The following CYB561 variants were observed in gnomAD, a reference collection of about 807,000 sequenced individuals.
CYB561 encodes transmembrane ascorbate-dependent reductase CYB561.
In CYB561, 11 loss-of-function variants were observed where a neutral mutation model predicts 25.3. The observed-to-expected ratio is 0.44, with a 90% CI of 0.27 to 0.72. The LOEUF is 0.72. Among genes scored for constraint, CYB561 ranks in the 30% least tolerant of loss-of-function variants. CYB561 has a pLI of 0.18. For synonymous variants in CYB561, 165 were observed against 158.8 expected (o/e 1.04, Z -0.29); for missense variants, 295 against 334.9 (o/e 0.88, Z 0.93).
At position 63,433,491 on chromosome 17, in the gene CYB561, G is replaced by T. The variant is rs374086154; in HGVS notation, c.*911C>A. 2.3e-5 allele frequency: 9 copies of T among 398,544 alleles called. No individual in the cohort carries two copies. Among genetic ancestry groups the T allele is most frequent in the South Asian group, 1.3e-4 (1 of 7,848 alleles). 24.7% of individuals were successfully genotyped at this position (398,544 alleles called of 1,614,324 possible). A position where few individuals can be genotyped will look rare whatever the true frequency, so the allele number is the denominator to read the frequency against. ...GCAGCAGCTCCAGCAGCCCCAGGGG[G>T]CTCTAGCCACAGCCAGCAGCAGCGG... is the stretch of plus-strand genomic sequence containing the variant. On this transcript the variant is annotated 3_prime_UTR_variant, in exon 6 of 6. Transcript: ENST00000360793.
At position 63,432,454 on chromosome 17, in the gene CYB561, A is replaced by T. The variant is rs1273430771; in HGVS notation, c.*1948T>A. 1 of 152,232 alleles carries T rather than the reference A, an allele frequency of 6.6e-6. No homozygotes were observed. The highest frequency in any genetic ancestry group is 1.5e-5 in the Non-Finnish European group (1 of 68,040). The allele number at this position is 152,232 out of a possible 1,614,324, so 9.4% of individuals were successfully genotyped here. A position where few individuals can be genotyped will look rare whatever the true frequency, so the allele number is the denominator to read the frequency against. ...TTAGTCATCCAGTGTTCACTTTGGC[A>T]AACAGACCAGTTTACAGACTTTTGT... On this transcript the variant is annotated 3_prime_UTR_variant, in exon 6 of 6. Coordinates refer to ENST00000360793, the MANE Select transcript of CYB561 (RefSeq NM_001915.4).
At chr17:63,441,139 T>C (rs1380734769) in intron 1 of CYB561, among the ~76,000 whole-genome samples, 1 of 152,192 alleles carries the variant, frequency 6.6e-6, no homozygotes, top group African/African-American at 2.4e-5. Context: ...GACGACTGCC[T>C]GCGGCTTCAA....
At chr17:63,435,505 G>T in intron 4 of CYB561, 183 bp downstream of exon 4, 1 of 696,328 alleles carries the variant, frequency 1.4e-6, no homozygotes, top group South Asian at 1.8e-5. Flanking sequence ...GGGCGCCTGG[G>T]AGCTGGGCAC....
intron 1 of CYB561, 68 bp from the exon 2 acceptor site, chr17:63,437,628 T>G (rs2049320214): frequency 7.9e-7 from 1 of 1,265,134 alleles, no homozygotes; most frequent in Non-Finnish European, 1.1e-6. Context: ...CCCCCGCGGA[T>G]GCACACAGCC....
intron 1 of CYB561, among the ~76,000 whole-genome samples, chr17:63,444,790 C>T (rs1466170891): frequency 6.6e-6 from 1 of 152,238 alleles, no homozygotes; most frequent in African/African-American, 2.4e-5. Flanking sequence ...TCTCATTCCC[C>T]TCCACCAATG....
In CYB561 at chr17:63,433,297, A is replaced by G. The variant is rs1568020646; in HGVS notation, c.*1105T>C. The G allele has an allele frequency of 2.5e-6, 1 of 397,890 alleles. No individual in the cohort carries two copies. Among genetic ancestry groups the G allele is most frequent in the East Asian group, 3.6e-5 (1 of 28,062 alleles). The allele number at this position is 397,890 out of a possible 1,614,324, so 24.6% of individuals were successfully genotyped here. A position where few individuals can be genotyped will look rare whatever the true frequency, so the allele number is the denominator to read the frequency against. ...CGCACACGATCAGTGTTCTAATCACACTATTTCCAGGCCGAAGCCAAATGG... is the reference window on the plus strand; with the variant it reads ...CGCACACGATCAGTGTTCTAATCACGCTATTTCCAGGCCGAAGCCAAATGG... On this transcript the variant is annotated 3_prime_UTR_variant, in exon 6 of 6. Transcript: ENST00000360793.
intron 1 of CYB561, 118 bp from the exon 2 acceptor site, chr17:63,437,678 C>T (rs1186965281): frequency 6.6e-4 from 499 of 750,968 alleles, no homozygotes; most frequent in Non-Finnish European, 8.9e-4. Flanking sequence ...GTACACACCC[C>T]TCAAGATGCG....
At chr17:63,439,783 G>A (rs1297010383) in intron 1 of CYB561, among the ~76,000 whole-genome samples, 5 of 152,098 alleles carry the variant, frequency 3.3e-5, no homozygotes, top group South Asian at 2.1e-4. Flanking sequence ...CAATGGATAC[G>A]CGCCCACATC....
At position 63,434,080 on chromosome 17, in the gene CYB561, T is replaced by TG. The variant is rs903831706; in HGVS notation, c.*321dup. 5 of 298,322 alleles carry TG rather than the reference T, an allele frequency of 1.7e-5. No homozygotes were observed. Among genetic ancestry groups the TG allele is most frequent in the Non-Finnish European group, 2.5e-5 (4 of 162,384 alleles). 18.5% of individuals were successfully genotyped at this position (298,322 alleles called of 1,614,324 possible). ...CCCCAGGCATCTGCTGCCAGGAGGG[T>TG]GGGGCCTCCTCTCTCGCTTCTTTAA... On this transcript the variant is annotated 3_prime_UTR_variant, in exon 6 of 6. Coordinates refer to ENST00000360793, the MANE Select transcript of CYB561 (RefSeq NM_001915.4).
rs182134508 is a variant in CYB561 at position 63,435,963 on chromosome 17, C to T, written c.301+91G>A. On this transcript the variant is annotated intron_variant, in intron 3 of 5. Coordinates refer to ENST00000360793, the MANE Select transcript of CYB561 (RefSeq NM_001915.4). ...TGGGGTGGGGGCGGGCCCATCACAG[C>T]TCTGGGGAGGGAACAGAGCAGGTGA... 3.7e-4 allele frequency: 589 copies of T among 1,606,274 alleles called. 3 individuals are homozygous for T. The African/African-American group carries it at 7.2e-3, about 20-fold the overall frequency.
intron 1 of CYB561, chr17:63,438,415 C>A (rs2049338285): frequency 1.8e-6 from 1 of 562,498 alleles, no homozygotes; most frequent in Non-Finnish European, 3.2e-6. Flanking sequence ...AGGAGGCCTC[C>A]CCACCCCACA....
In CYB561 at chr17:63,435,072, CCCA is replaced by C; in HGVS notation, c.563+11_563+13del. 2 of 1,610,402 alleles carry C rather than the reference CCCA, an allele frequency of 1.2e-6. No homozygotes were observed. The highest frequency in any genetic ancestry group is 1.7e-6 in the Non-Finnish European group (2 of 1,178,200). ...GTGGCCCAGGCCCTGCCCTCTCCCA[CCCA>C]GGACACTCACCCGAGGTTGAACAGC... On this transcript the variant is annotated intron_variant, in intron 5 of 5. Coordinates refer to ENST00000360793, the MANE Select transcript of CYB561 (RefSeq NM_001915.4).
chr17:63,437,624 C>A, intron 1 of CYB561, 64 bp from the exon 2 acceptor site: 2 of 1,363,746 alleles, frequency 1.5e-6, no homozygotes, highest in Non-Finnish European at 2.0e-6. Flanking sequence ...ACAGCCCCCG[C>A]GGATGCACAC....
At chr17:63,437,970 G>GCCCCCCCCC in intron 1 of CYB561, 8 of 643,050 alleles carry the variant, frequency 1.2e-5, no homozygotes, top group Non-Finnish European at 1.7e-5. Context: ...TCCCACGGCG[G>GCCCCCCCCC]CCCCGCCACC....
chr17:63,440,172 G>A (rs1200737916), intron 1 of CYB561: 5 of 398,484 alleles, frequency 1.3e-5, no homozygotes, highest in East Asian at 3.6e-5. Context: ...CATTTCTGAC[G>A]GTTCACTACT....
intron 1 of CYB561, chr17:63,438,990 C>G (rs1450004195): frequency 6.6e-6 from 1 of 152,488 alleles, no homozygotes; most frequent in East Asian, 1.9e-4. Context: ...AGCACTGCTG[C>G]TGCCCCCCAT....
Position 63,433,125 on chromosome 17 carries a change from C to T in CYB561, c.*1277G>A, listed in dbSNP as rs549947513. 7 of 339,454 alleles carry T rather than the reference C, an allele frequency of 2.1e-5. No individual in the cohort carries two copies. Among genetic ancestry groups the T allele is most frequent in the South Asian group, 1.6e-4 (1 of 6,450 alleles). The allele number at this position is 339,454 out of a possible 1,614,324, so 21.0% of individuals were successfully genotyped here. A position where few individuals can be genotyped will look rare whatever the true frequency, so the allele number is the denominator to read the frequency against. On this transcript the variant is annotated 3_prime_UTR_variant, in exon 6 of 6. Coordinates refer to ENST00000360793, the MANE Select transcript of CYB561 (RefSeq NM_001915.4). ...TCAGCTCACTGCAAGCGCCATCTCC[C>T]GGGTTCACACCATTCTCCTGCCTCA...
In CYB561 at chr17:63,433,821, T is replaced by G. The variant is rs2049261298; in HGVS notation, c.*581A>C. 5.7e-6 allele frequency: 1 copy of G among 175,490 alleles called. No individual in the cohort carries two copies. The highest frequency in any genetic ancestry group is 2.4e-5 in the African/African-American group (1 of 42,436). 10.9% of individuals were successfully genotyped at this position (175,490 alleles called of 1,614,324 possible). A position where few individuals can be genotyped will look rare whatever the true frequency, so the allele number is the denominator to read the frequency against. On this transcript the variant is annotated 3_prime_UTR_variant, in exon 6 of 6. Coordinates refer to ENST00000360793, the MANE Select transcript of CYB561 (RefSeq NM_001915.4). ...AGAAGAGGAAGGTCAGGACTACAGC[T>G]GGGCCACAGCCTCATCTCAGAGCTT...
intron 1 of CYB561, among the ~76,000 whole-genome samples, chr17:63,438,815 C>T (rs1300886067): frequency 2.6e-5 from 4 of 152,218 alleles, no homozygotes; most frequent in African/African-American, 9.6e-5. Context: ...TCATGCCGGC[C>T]GGAGAGCACC....
Sources: gnomAD v4.1 joint callset for allele counts (sites outside exome capture counted in the v4.1 genomes callset) on GRCh38, gnomAD v4.1.1 for gene constraint, MANE v1.5 for transcripts, NCBI Gene and HGNC (gene_info 2026-07-23, HGNC 2026-07-21) for gene names.